The following PGK1 variants were observed in gnomAD, a reference collection of about 807,000 sequenced individuals.
PGK1 encodes phosphoglycerate kinase 1, also known as PRP 2.
A neutral mutation model predicts 26.9 loss-of-function variants in PGK1; 3 were observed. That is an observed-to-expected ratio of 0.11 (90% CI 0.05 to 0.29). PGK1 has a LOEUF of 0.29. Ranked by LOEUF, PGK1 falls within the 10% of genes least tolerant of loss-of-function variation. The pLI is 1.00. For missense variants in PGK1, 270 were observed against 314.7 expected, an observed-to-expected ratio of 0.86 and a Z score of 1.07; for synonymous variants, 125 against 115.3, an observed-to-expected ratio of 1.08 and a Z score of -0.54.
chrX:78,110,420 A>G (rs1457779543), intron 2 of PGK1, among the ~76,000 whole-genome samples: 2 of 109,919 alleles, frequency 1.8e-5, no homozygotes, highest in African/African-American at 6.6e-5. Context: ...TTGGCTTCCT[A>G]AAGTGCTGGG....
intron 2 of PGK1, among the ~76,000 whole-genome samples, chrX:78,111,195 C>G (rs2078299345): frequency 9.1e-6 from 1 of 110,249 alleles, no homozygotes; most frequent in Non-Finnish European, 1.9e-5. Context: ...AGCGATCCTC[C>G]CATCTCAGCC....
chrX:78,109,085 C>G (rs1557246581), intron 1 of PGK1, among the ~76,000 whole-genome samples: 5 of 111,308 alleles, frequency 4.5e-5, no homozygotes, highest in Non-Finnish European at 1.9e-5. Context: ...AGAATGATAA[C>G]ATAGTAATCT....
chrX:78,111,641 C>T (rs1557246893), intron 2 of PGK1, among the ~76,000 whole-genome samples: 1 of 111,664 alleles, frequency 9.0e-6, no homozygotes, highest in African/African-American at 3.3e-5. Context: ...CAGGTCTAGC[C>T]CAGAACATTT....
chrX:78,115,582 ATGTG>A (rs1276996057), intron 4 of PGK1, among the ~76,000 whole-genome samples: 1 of 111,749 alleles, frequency 8.9e-6, no homozygotes, highest in African/African-American at 3.3e-5. Flanking sequence ...TGAACCCAGG[ATGTG>A]GAGGTTGCAG....
Position 78,125,805 on chromosome X carries a change from G to C in PGK1, c.1229G>C (p.Gly410Ala), listed in dbSNP as rs2078380604. Reference sequence around the variant, plus strand: ...TCAAAAACAGGTAAAGTCCTTCCTGGGGTGGATGCTCTCAGCAATATTTAG... The same window carrying C: ...TCAAAAACAGGTAAAGTCCTTCCTGCGGTGGATGCTCTCAGCAATATTTAG... Reference protein sequence around the residue: ...LELLEGKVLPGVDALSNI With the variant: ...LELLEGKVLPAVDALSNI Residue 410 changes from glycine to alanine, a missense_variant, in exon 11 of 11, where the codon GGG (glycine) becomes GCG (alanine). Physicochemically the swap from Gly to Ala is moderately conservative, Grantham distance 60. Transcript: ENST00000373316. The C allele has an allele frequency of 1.7e-6, 2 of 1,202,469 alleles. No individual in the cohort carries two copies. Among genetic ancestry groups the C allele is most frequent in the Non-Finnish European group, 2.3e-6 (2 of 888,325 alleles).
At position 78,117,319 on chromosome X, in the gene PGK1, C is replaced by T; in HGVS notation, c.425C>T (p.Ala142Val). The T allele has an allele frequency of 2.5e-6, 3 of 1,196,673 alleles. No individual in the cohort carries two copies. The highest frequency in any genetic ancestry group is 1.1e-6 in the Non-Finnish European group (1 of 882,036). Residue 142 changes from alanine (A) to valine (V), a missense_variant, in exon 5 of 11, where the codon GCC (alanine) becomes GTC (valine). This residue lies in a region of PGK1 where 150 missense variants were observed against 154.6 expected (regional missense o/e 0.97). Transcript: ENST00000373316. The stretch of plus-strand genomic sequence containing the variant: ...TTTTGTTTTTCTCTATAGGTTAAAG[C>T]CGAGCCAGCCAAAATAGAAGCTTTC... ...GKDASGNKVK[A>V]EPAKIEAFRA...
chrX:78,115,656 A>G (rs1407886938), intron 4 of PGK1, among the ~76,000 whole-genome samples: 1 of 111,840 alleles, frequency 8.9e-6, no homozygotes, highest in Non-Finnish European at 1.9e-5. Context: ...TCTGTCTCAA[A>G]AAAACCACAA....
intron 2 of PGK1, among the ~76,000 whole-genome samples, chrX:78,111,439 A>G (rs2078300816): frequency 8.9e-6 from 1 of 112,351 alleles, no homozygotes; most frequent in South Asian, 3.6e-4. Context: ...GATCTAGACC[A>G]GTGGTATCTA....
Position 78,113,451 on chromosome X carries a change from A to G in PGK1, c.117-293A>G, listed in dbSNP as rs1166719868. ...AACTTTGAAAGCCAAGTTCCCAGAT[A>G]CCAGCCAGGATCTAATCTTGCAGAC... On this transcript the variant is annotated intron_variant, in intron 2 of 10. Coordinates refer to ENST00000373316, the MANE Select transcript of PGK1 (RefSeq NM_000291.4). Among the ~76,000 whole-genome samples, 3 of 112,103 alleles carry G rather than the reference A, an allele frequency of 2.7e-5. No homozygotes were observed. The Admixed American group carries it at 2.8e-4, about 11-fold the overall frequency.
At chrX:78,125,575 C>A (rs2078379305) in intron 10 of PGK1, 150 bp downstream of exon 10, 1 of 542,818 alleles carries the variant, frequency 1.8e-6, no homozygotes, top group African/African-American at 2.3e-5. Context: ...AGATAAAGCT[C>A]CTGGCATCCA....
rs782240183 is a variant in PGK1 at position 78,112,494 on chromosome X, TAATG to T, written c.117-1245_117-1242del. The stretch of plus-strand genomic sequence containing the variant: ...TTAATTTTTTGATTAATTTATAATG[TAATG>T]AATGTGATACATTATGGAAACCAAG... On this transcript the variant is annotated intron_variant, in intron 2 of 10. Transcript: ENST00000373316. 7.3e-3 allele frequency among the ~76,000 whole-genome samples: 820 copies of T among 112,560 alleles called. 13 individuals carry two copies. Among genetic ancestry groups the T allele is most frequent in the African/African-American group, 0.025 (780 of 31,009 alleles).
intron 6 of PGK1, among the ~76,000 whole-genome samples, chrX:78,121,458 A>G (rs1415801955): frequency 1.8e-5 from 2 of 111,897 alleles, no homozygotes; most frequent in Non-Finnish European, 3.8e-5. Context: ...CCTTGGTGGT[A>G]ACCAATCTTT....
intron 2 of PGK1, among the ~76,000 whole-genome samples, chrX:78,113,218 C>T (rs2078309448): frequency 9.0e-6 from 1 of 111,083 alleles, no homozygotes; most frequent in Admixed American, 9.6e-5. Flanking sequence ...TGACCTAAGC[C>T]CCTGGGGAGG....
rs190689814 is a variant in PGK1 at position 78,127,901 on chromosome X, C to T, written c.*2071C>T. On this transcript the variant is annotated 3_prime_UTR_variant, in exon 11 of 11. Coordinates refer to ENST00000373316, the MANE Select transcript of PGK1 (RefSeq NM_000291.4). ...TTTTTCCTACTGATTACCTTTCCTC[C>T]AACGTTTTAAAAATTATTTCAAATG... 4.2e-4 allele frequency: 47 copies of T among 111,972 alleles called. No homozygotes were observed. Among genetic ancestry groups the T allele is most frequent in the African/African-American group, 1.5e-3 (47 of 30,876 alleles). 9.2% of individuals were successfully genotyped at this position (111,972 alleles called of 1,213,427 possible). A position where few individuals can be genotyped will look rare whatever the true frequency, so the allele number is the denominator to read the frequency against.
intron 2 of PGK1, 136 bp downstream of exon 2, chrX:78,110,053 C>T: frequency 2.0e-6 from 1 of 503,801 alleles, no homozygotes; most frequent in Non-Finnish European, 3.6e-6. Context: ...TCAACCCACT[C>T]TCTGATCTGC....
At chrX:78,110,002 T>C in intron 2 of PGK1, 85 bp downstream of exon 2, 1 of 649,162 alleles carries the variant, frequency 1.5e-6, no homozygotes, top group African/African-American at 2.1e-5. Flanking sequence ...TATTGTATTA[T>C]GGAACTGTAG....
chrX:78,108,849 T>C (rs2078285054), intron 1 of PGK1, among the ~76,000 whole-genome samples: 1 of 111,968 alleles, frequency 8.9e-6, no homozygotes, highest in South Asian at 3.7e-4. Context: ...TTTTATGGCA[T>C]TTACTGTGTG....
chrX:78,118,213 C>T (rs374222053), intron 6 of PGK1, 43 bp downstream of exon 6: 1 of 1,186,871 alleles, frequency 8.4e-7, no homozygotes, highest in African/African-American at 1.8e-5. Context: ...TATTGTTTGC[C>T]TGGTAGTAGG....
chrX:78,114,298 G>A lies in PGK1; in HGVS notation c.417+138G>A, dbSNP rs190477593. 295 of 636,097 alleles carry A rather than the reference G, an allele frequency of 4.6e-4. 1 individual carries two copies. In the African/African-American group the frequency reaches 5.0e-3, roughly 11 times the overall value. The allele number at this position is 636,097 out of a possible 1,213,427, so 52.4% of individuals were successfully genotyped here. On this transcript the variant is annotated intron_variant, in intron 4 of 10. Coordinates refer to ENST00000373316, the MANE Select transcript of PGK1 (RefSeq NM_000291.4). Reference sequence around the variant, plus strand: ...CATACAATGCCGACACAGCTTGATGGGTTATCTCAAAGTAAACACACTTGT... The same window carrying A: ...CATACAATGCCGACACAGCTTGATGAGTTATCTCAAAGTAAACACACTTGT...
Sources: gnomAD v4.1 joint callset for allele counts (sites outside exome capture counted in the v4.1 genomes callset) on GRCh38, gnomAD v4.1.1 for gene constraint, gnomAD v4.1.1 regional missense constraint, MANE v1.5 for transcripts, NCBI Gene and HGNC (gene_info 2026-07-23, HGNC 2026-07-21) for gene names.